Variants in MID1 observed in about 807,000 individuals in gnomAD.
MID1 encodes the protein midline 1, also known as E3 ubiquitin-protein ligase Midline-1.
MID1 carries 7 observed loss-of-function variants against 40.4 expected under a neutral mutation model. That is an observed-to-expected ratio of 0.17 (90% CI 0.10 to 0.33). The LOEUF (loss-of-function observed/expected upper bound fraction) is 0.33. MID1 is among the 10% of genes least tolerant of loss of function. MID1 has a pLI of 1.00. For synonymous variants in MID1, 229 were observed against 221.2 expected, an observed-to-expected ratio of 1.04 and a Z score of -0.31; for missense variants, 367 against 558.5, an observed-to-expected ratio of 0.66 and a Z score of 3.46.
At chrX:10,551,928 G>A (rs932070131) in intron 2 of MID1, among the ~76,000 whole-genome samples, 6 of 111,463 alleles carry the variant, frequency 5.4e-5, no homozygotes, top group African/African-American at 1.6e-4. Flanking sequence ...GACCATAGGC[G>A]TGTGCCATCA....
chrX:10,776,760 C>T (rs144690565), intron 1 of MID1, among the ~76,000 whole-genome samples: 336 of 109,867 alleles, frequency 3.1e-3, no homozygotes, highest in African/African-American at 0.01. Flanking sequence ...CCAGGCTGGG[C>T]GACAATGCAT....
At chrX:10,640,409 G>A (rs112638209) in intron 1 of MID1, among the ~76,000 whole-genome samples, 6,390 of 109,653 alleles carry the variant, frequency 0.058, 357 homozygotes, top group African/African-American at 0.17. Flanking sequence ...ACATCAAAAG[G>A]GACAAAGAAG....
intron 4 of MID1, among the ~76,000 whole-genome samples, chrX:10,483,007 T>C (rs1451371156): frequency 8.9e-6 from 1 of 112,474 alleles, no homozygotes; most frequent in Non-Finnish European, 1.9e-5. Context: ...TTTATCTTCT[T>C]TTCATCAAGA....
chrX:10,710,529 A>T (rs994655582), intron 1 of MID1, among the ~76,000 whole-genome samples: 2 of 110,780 alleles, frequency 1.8e-5, no homozygotes, highest in African/African-American at 3.3e-5. Context: ...ATTACTTTTT[A>T]AAAAACTTGT....
At chrX:10,615,304 T>G (rs753097182) in intron 1 of MID1, among the ~76,000 whole-genome samples, 2 of 112,259 alleles carry the variant, frequency 1.8e-5, no homozygotes, top group Non-Finnish European at 1.9e-5. Flanking sequence ...AAAGTCATAT[T>G]TGGAACCCAG....
intron 4 of MID1, among the ~76,000 whole-genome samples, chrX:10,491,705 CA>C (rs761984067): frequency 2.5e-3 from 283 of 111,657 alleles, no homozygotes; most frequent in Middle Eastern, 9.2e-3. Flanking sequence ...ATTTTAGTGT[CA>C]AAAAACTATA....
At chrX:10,803,597 C>T (rs182697025) in intron 1 of MID1, among the ~76,000 whole-genome samples, 3 of 111,291 alleles carry the variant, frequency 2.7e-5, no homozygotes, top group African/African-American at 9.8e-5. Context: ...GTGATCTGCC[C>T]GCTTCGGCCT....
intron 1 of MID1, among the ~76,000 whole-genome samples, chrX:10,654,091 A>G (rs2042852648): frequency 8.9e-6 from 1 of 111,982 alleles, no homozygotes; most frequent in African/African-American, 3.2e-5. Context: ...TAGTCCTGGC[A>G]AAGACGGAAT....
chrX:10,613,467 C>T (rs1255563615), intron 1 of MID1, among the ~76,000 whole-genome samples: 1 of 107,874 alleles, frequency 9.3e-6, no homozygotes, highest in Non-Finnish European at 1.9e-5. Context: ...TAACCTTGGG[C>T]ATGCCACTCA....
intron 1 of MID1, among the ~76,000 whole-genome samples, chrX:10,609,490 A>G (rs1935689188): frequency 9.0e-6 from 1 of 110,854 alleles, no homozygotes; most frequent in Admixed American, 9.6e-5. Context: ...TGTCCACATC[A>G]TTTCAATTTT....
chrX:10,591,714 C>A (rs147450934), intron 1 of MID1, among the ~76,000 whole-genome samples: 1,656 of 106,226 alleles, frequency 0.016, 13 homozygotes, highest in Non-Finnish European at 0.026. Context: ...CTATCAGCAT[C>A]CAGAAGCAAT....
At chrX:10,632,016 C>A (rs181169748) in intron 1 of MID1, among the ~76,000 whole-genome samples, 48 of 111,717 alleles carry the variant, frequency 4.3e-4, no homozygotes, top group Middle Eastern at 9.2e-3. Context: ...CCCTTCAGCC[C>A]CAAAGTGCTT....
At chrX:10,704,735 TATATAC>T (rs1362714081) in intron 1 of MID1, among the ~76,000 whole-genome samples, 2 of 84,905 alleles carry the variant, frequency 2.4e-5, no homozygotes, top group African/African-American at 5.6e-5. Flanking sequence ...TATATATATA[TATATAC>T]ACACACACAC....
At chrX:10,696,888 A>G (rs1392593027) in intron 1 of MID1, among the ~76,000 whole-genome samples, 2 of 111,885 alleles carry the variant, frequency 1.8e-5, no homozygotes, top group Non-Finnish European at 3.8e-5. Context: ...TTTTCACCCA[A>G]CTATATGCTG....
chrX:10,712,439 T>G (rs999700965), intron 1 of MID1, among the ~76,000 whole-genome samples: 7 of 111,229 alleles, frequency 6.3e-5, no homozygotes, highest in Admixed American at 2.9e-4. Context: ...CAAGTGAGCA[T>G]GTGCACAATT....
At chrX:10,750,764 A>G (rs2043592877) in intron 1 of MID1, among the ~76,000 whole-genome samples, 1 of 111,906 alleles carries the variant, frequency 8.9e-6, no homozygotes, top group Non-Finnish European at 1.9e-5. Context: ...CTACCCACGA[A>G]AATCTGAAGT....
At chrX:10,741,752 A>G (rs2043524631) in intron 1 of MID1, among the ~76,000 whole-genome samples, 1 of 110,471 alleles carries the variant, frequency 9.1e-6, no homozygotes, top group African/African-American at 3.3e-5. Flanking sequence ...ATATAAAGTG[A>G]TGTCTCAAGA....
intron 1 of MID1, chrX:10,677,887 A>C (rs1463327551): frequency 9.1e-6 from 1 of 110,264 alleles, no homozygotes; most frequent in Non-Finnish European, 1.9e-5. Context: ...ATGCCATCTC[A>C]ATAGCAAAAA....
At chrX:10,498,623 T>C (rs982030431) in intron 3 of MID1, among the ~76,000 whole-genome samples, 6 of 112,056 alleles carry the variant, frequency 5.4e-5, no homozygotes, top group African/African-American at 1.6e-4. Flanking sequence ...CTACCTGCCC[T>C]AGCTCCAGCC....
Sources: allele counts gnomAD v4.1 joint callset (sites outside exome capture counted in the v4.1 genomes callset), GRCh38; gene constraint gnomAD v4.1.1; transcripts MANE v1.5; gene names NCBI Gene and HGNC (gene_info 2026-07-23, HGNC 2026-07-21).